Variants in SLC4A8 observed in about 807,000 individuals in gnomAD.
SLC4A8 encodes the protein electroneutral sodium bicarbonate exchanger 1.
Under a neutral mutation model 125.0 loss-of-function variants are expected in SLC4A8, and 40 were observed. The observed-to-expected ratio is 0.32, with a 90% confidence interval of 0.25 to 0.42. The LOEUF is 0.42. Among genes scored for constraint, SLC4A8 ranks in the 10% least tolerant of loss-of-function variants. The probability of loss-of-function intolerance (pLI) is 1.00; values close to 1 mark genes in which losing one functional copy is unlikely to be tolerated. For missense variants in SLC4A8, 863 were observed against 1,355.1 expected, an observed-to-expected ratio of 0.64 and a Z score of 5.70; for synonymous variants, 456 against 476.0, an observed-to-expected ratio of 0.96 and a Z score of 0.55.
intron 1 of SLC4A8, among the ~76,000 whole-genome samples, chr12:51,436,765 T>G (rs184941187): frequency 4.6e-4 from 70 of 152,324 alleles, no homozygotes; most frequent in African/African-American, 1.5e-3. Flanking sequence ...TAGCTGGGAT[T>G]ATAGGCGTGC....
In SLC4A8 at chr12:51,404,358, T is replaced by C. The variant is rs192658671; in HGVS notation, c.-112+12870T>C. Among the ~76,000 whole-genome samples, 103 of 152,296 alleles carry C rather than the reference T, an allele frequency of 6.8e-4. 1 individual carries two copies. Among genetic ancestry groups the C allele is most frequent in the Middle Eastern group, 6.8e-3 (2 of 294 alleles). On this transcript the variant is annotated intron_variant, in intron 1 of 24. Transcript: ENST00000358657. Reference sequence around the variant, plus strand: ...TTTCCTTTAGCATCTTTTAGGGAACTACCTTCCTTTGATTCTTAGTCCATG... The same window carrying C: ...TTTCCTTTAGCATCTTTTAGGGAACCACCTTCCTTTGATTCTTAGTCCATG...
chr12:51,501,412 G>GT (rs1389966656), intron 22 of SLC4A8, among the ~76,000 whole-genome samples: 1 of 152,106 alleles, frequency 6.6e-6, no homozygotes, highest in Non-Finnish European at 1.5e-5. Flanking sequence ...GCATTATTTG[G>GT]TTTTTTGTTC....
At chr12:51,466,595 A>T (rs79365283) in intron 11 of SLC4A8, 1 of 152,206 alleles carries the variant, frequency 6.6e-6, no homozygotes, top group African/African-American at 2.4e-5. Context: ...TGTGAAGGGC[A>T]GTGTTGAAAG....
At chr12:51,477,836 A>G (rs1950897422) in intron 16 of SLC4A8, among the ~76,000 whole-genome samples, 1 of 152,176 alleles carries the variant, frequency 6.6e-6, no homozygotes, top group African/African-American at 2.4e-5. Context: ...TACTTTAAGA[A>G]TTTCAGATAT....
chr12:51,392,542 C>T (rs918971672), intron 1 of SLC4A8, among the ~76,000 whole-genome samples: 1 of 138,318 alleles, frequency 7.2e-6, no homozygotes, highest in African/African-American at 2.7e-5. Context: ...CACTGCACTC[C>T]AGCCTGGCGA....
chr12:51,445,488 G>A (rs925673364), intron 2 of SLC4A8, among the ~76,000 whole-genome samples: 3 of 152,102 alleles, frequency 2.0e-5, no homozygotes, highest in African/African-American at 7.2e-5. Context: ...GTTCAGGATC[G>A]AATTATGCTT....
At chr12:51,407,844 A>G (rs1948519106) in intron 1 of SLC4A8, 1 of 152,370 alleles carries the variant, frequency 6.6e-6, no homozygotes, top group Admixed American at 6.5e-5. Flanking sequence ...GGCTCCAAGC[A>G]TGTTTATTGT....
chr12:51,494,842 A>T, intron 20 of SLC4A8, 103 bp from the exon 21 acceptor site: 1 of 846,410 alleles, frequency 1.2e-6, no homozygotes, highest in Non-Finnish European at 1.8e-6. Context: ...AAATGGTGTT[A>T]CCTACCTTTC....
At chr12:51,431,725 G>A (rs1294435698) in intron 1 of SLC4A8, among the ~76,000 whole-genome samples, 1 of 152,194 alleles carries the variant, frequency 6.6e-6, no homozygotes, top group East Asian at 1.9e-4. Context: ...GCATTCTGAG[G>A]CTCTGCTGGA....
At chr12:51,416,327 T>G (rs1948687454) in intron 1 of SLC4A8, among the ~76,000 whole-genome samples, 2 of 149,684 alleles carry the variant, frequency 1.3e-5, no homozygotes, top group South Asian at 4.2e-4. Context: ...GTGAAAATTT[T>G]GAAACAAAGA....
rs776001583 is a variant in SLC4A8, at chr12:51,425,074, G to C, written c.48+39G>C. ...TCCCGCGCCTCCCGCTCCTCCCCGG[G>C]GCGCAGCCTCCTCATCCTCTGCCCA... On this transcript the variant is annotated intron_variant, in intron 1 of 24. Transcript: ENST00000453097. 13 of 1,540,892 alleles carry C rather than the reference G, an allele frequency of 8.4e-6. No individual in the cohort carries two copies. The East Asian group carries it at 2.2e-4, about 26-fold the overall frequency.
At chr12:51,411,537 G>A (rs957490185) in intron 1 of SLC4A8, among the ~76,000 whole-genome samples, 3 of 151,968 alleles carry the variant, frequency 2.0e-5, no homozygotes, top group Non-Finnish European at 2.9e-5. Flanking sequence ...TACAGTGAGC[G>A]GTGATTATGC....
intron 5 of SLC4A8, among the ~76,000 whole-genome samples, chr12:51,454,411 C>T (rs1027893849): frequency 3.4e-5 from 5 of 145,674 alleles, no homozygotes; most frequent in African/African-American, 1.3e-4. Context: ...GGGGAACCAG[C>T]GTTCAGCATA....
At chr12:51,402,936 T>G (rs903482874) in intron 1 of SLC4A8, 1 of 307,534 alleles carries the variant, frequency 3.3e-6, no homozygotes, top group African/African-American at 2.2e-5. Context: ...TGTCTCAGTA[T>G]GGGACTGGGG....
intron 1 of SLC4A8, among the ~76,000 whole-genome samples, chr12:51,433,559 T>G (rs115027657): frequency 0.01 from 1,566 of 152,272 alleles, 22 homozygotes; most frequent in African/African-American, 0.036. Flanking sequence ...ACAGATCCTC[T>G]GAAGCCCATT....
rs746315650 is a variant in SLC4A8 at position 51,488,764 on chromosome 12, A to C, written c.2352A>C (p.Ile784=). The C allele has an allele frequency of 2.5e-6, 4 of 1,613,682 alleles. No homozygotes were observed. Among genetic ancestry groups the C allele is most frequent in the Non-Finnish European group, 3.4e-6 (4 of 1,179,712 alleles). Residue 784 remains isoleucine, a synonymous_variant, in exon 18 of 25, where the codon ATA becomes ATC. Coordinates refer to ENST00000453097, the MANE Select transcript of SLC4A8 (RefSeq NM_001039960.3). The part of the protein sequence containing the change: ...PIGPNPWWTV[I]AAIIPALLCT... ...GCCCCAATCCCTGGTGGACTGTGAT[A>C]GCTGCAATTATCCCAGCTCTTCTCT...
Position 51,452,255 on chromosome 12 carries a change from G to T in SLC4A8, c.409G>T (p.Ala137Ser). 1 of 1,614,226 alleles carries T rather than the reference G, an allele frequency of 6.2e-7. No individual in the cohort carries two copies. The highest frequency in any genetic ancestry group is 8.5e-7 in the Non-Finnish European group (1 of 1,180,042). Residue 137 changes from alanine (A) to serine (S), a missense_variant, in exon 4 of 25, where the codon GCC (alanine) becomes TCC (serine). Around this residue, in one of 6 missense-constraint regions of SLC4A8, gnomAD observed 390 missense variants for 634.4 expected, o/e 0.61. Transcript: ENST00000453097. The part of the protein sequence containing the change: ...EGEDAEWKET[A>S]RWLKFEEDVE... ...AGAAGATGCTGAGTGGAAGGAAACA[G>T]CCAGGTGAGGCCCTAAAATGGCCTG...
rs1473058942 is a variant in SLC4A8, at chr12:51,450,942, C to T, written c.197C>T (p.Thr66Ile). The T allele has an allele frequency of 6.2e-7, 1 of 1,607,424 alleles. No individual in the cohort carries two copies. The highest frequency in any genetic ancestry group is 1.1e-5 in the South Asian group (1 of 89,892). ...CGGCAGAGCCATCGGCATCACCGCACTCATGGCCAGAAGCACCGGAGACGA... is the reference window on the plus strand; with the variant it reads ...CGGCAGAGCCATCGGCATCACCGCATTCATGGCCAGAAGCACCGGAGACGA... ...LGRQSHRHHRTHGQKHRRRGR... is the reference protein window; with the variant it reads ...LGRQSHRHHRIHGQKHRRRGR... The change falls in exon 3 of 25, where the codon ACT becomes ATT. Residue 66 changes from threonine (T) to isoleucine (I), a missense_variant. This residue lies in a region of SLC4A8 where 104 missense variants were observed against 116.4 expected (regional missense o/e 0.89). Coordinates refer to ENST00000453097, the MANE Select transcript of SLC4A8 (RefSeq NM_001039960.3).
intron 11 of SLC4A8, among the ~76,000 whole-genome samples, chr12:51,466,188 C>T (rs1950509610): frequency 6.6e-6 from 1 of 152,060 alleles, no homozygotes; most frequent in Admixed American, 6.5e-5. Flanking sequence ...CTTAAACCTC[C>T]CTGATATTGA....
Sources: allele counts gnomAD v4.1 joint callset (sites outside exome capture counted in the v4.1 genomes callset), GRCh38; gene constraint gnomAD v4.1.1; regional missense constraint gnomAD v4.1.1; transcripts MANE v1.5; gene names NCBI Gene and HGNC (gene_info 2026-07-23, HGNC 2026-07-21).